GUCY1A1: variants seen among roughly 807,000 people sequenced by gnomAD.
GUCY1A1 encodes the protein guanylate cyclase 1 soluble subunit alpha 1.
A neutral mutation model predicts 64.5 loss-of-function variants in GUCY1A1; 48 were observed. That is an observed-to-expected ratio of 0.74 (90% confidence interval 0.59 to 0.95). GUCY1A1 has a LOEUF of 0.95. Among genes scored for constraint, GUCY1A1 ranks in the 40% least tolerant of loss-of-function variants. The pLI is 0.00. For missense variants in GUCY1A1, 804 were observed against 825.3 expected (o/e 0.97, Z 0.32); for synonymous variants, 308 against 303.4 (o/e 1.02, Z -0.16).
chr4:155,697,139 T>G lies in GUCY1A1; in HGVS notation c.255+17T>G. ...TTCCCAGAGGTGAGTGCGTGCTCTT[T>G]AGATTTTGAAATTGTAATACTTTGA... On this transcript the variant is annotated intron_variant, in intron 3 of 9. Transcript: ENST00000506455. The G allele has an allele frequency of 6.3e-7, 1 of 1,590,588 alleles. No homozygotes were observed. Among genetic ancestry groups the G allele is most frequent in the South Asian group, 1.1e-5 (1 of 88,824 alleles).
rs1735786656 is a variant in GUCY1A1 at position 155,733,732 on chromosome 4, G to A, written c.*3501G>A. ...TTGGCTACTGACTCCCTCTCCAACA[G>A]TTTTAAAGCTACTAGATAAGAGAAG... On this transcript the variant is annotated 3_prime_UTR_variant, in exon 10 of 10. Coordinates refer to ENST00000506455, the MANE Select transcript of GUCY1A1 (RefSeq NM_001130682.3). Among the ~76,000 whole-genome samples, 1 of 150,774 alleles carries A rather than the reference G, an allele frequency of 6.6e-6. No homozygotes were observed. The highest frequency in any genetic ancestry group is 6.6e-5 in the Admixed American group (1 of 15,076).
At position 155,673,901 on chromosome 4, in the gene GUCY1A1, T is replaced by C. The variant is rs1261511422; in HGVS notation, c.-113+6482T>C. On this transcript the variant is annotated intron_variant, in intron 2 of 9. Coordinates refer to ENST00000506455, the MANE Select transcript of GUCY1A1 (RefSeq NM_001130682.3). ...CCTTATTATGTTTTCCTGTAACACA[T>C]TGTGCTTCCTTTGTAGAATTATTAT... 2.0e-5 allele frequency among the ~76,000 whole-genome samples: 3 copies of C among 151,530 alleles called. 1 individual carries two copies. The highest frequency in any genetic ancestry group is 4.9e-5 in the African/African-American group (2 of 40,802).
intron 7 of GUCY1A1, among the ~76,000 whole-genome samples, chr4:155,714,511 A>C (rs1333012933): frequency 6.6e-6 from 1 of 152,226 alleles, no homozygotes; most frequent in Non-Finnish European, 1.5e-5. Flanking sequence ...CTTTAGAATT[A>C]AAAGTTTTTA....
At position 155,722,154 on chromosome 4, in the gene GUCY1A1, T is replaced by G. The variant is rs779344124; in HGVS notation, c.1833T>G (p.Ser611Arg). The change falls in exon 9 of 10, where the codon AGT becomes AGG. Residue 611 changes from serine (S) to arginine (R), a missense_variant. By Grantham distance (110) the Ser-to-Arg change is moderately radical (BLOSUM62 -1). Coordinates refer to ENST00000506455, the MANE Select transcript of GUCY1A1 (RefSeq NM_001130682.3). ...TGGCTAACAAATTTGAGTCCTGCAG[T>G]GTACCACGAAAAATCAATGTCAGCC... is the stretch of plus-strand genomic sequence containing the variant. ...VTLANKFESC[S>R]VPRKINVSPT... The G allele has an allele frequency of 2.5e-6, 4 of 1,612,900 alleles. No individual in the cohort carries two copies. In the East Asian group the frequency reaches 8.9e-5, roughly 36 times the overall value.
rs572070378 is a variant in GUCY1A1 at position 155,713,687 on chromosome 4, T to C, written c.1572+104T>C. On this transcript the variant is annotated intron_variant, in intron 7 of 9. Coordinates refer to ENST00000506455, the MANE Select transcript of GUCY1A1 (RefSeq NM_001130682.3). The stretch of plus-strand genomic sequence containing the variant: ...TAATGCAACTGAAAGGCCACCTCTG[T>C]AGGGTCTTGCAAGCCCAGTCCTGGG... The C allele has an allele frequency of 1.5e-4, 192 of 1,268,496 alleles. 1 individual carries two copies. The highest frequency in any genetic ancestry group is 9.5e-4 in the Middle Eastern group (5 of 5,242). The allele number at this position is 1,268,496 out of a possible 1,614,324, so 78.6% of individuals were successfully genotyped here.
rs1055640665 is a variant in GUCY1A1 at position 155,721,957 on chromosome 4, T to G, written c.1717-81T>G. 29 of 975,744 alleles carry G rather than the reference T, an allele frequency of 3.0e-5. No individual in the cohort carries two copies. In the African/African-American group the frequency reaches 3.6e-4, roughly 12 times the overall value. 60.4% of individuals were successfully genotyped at this position (975,744 alleles called of 1,614,324 possible). A position where few individuals can be genotyped will look rare whatever the true frequency, so the allele number is the denominator to read the frequency against. Reference sequence around the variant, plus strand: ...TCCTGAGGGTGAATGGTAAAATAATTTAGACGGTATTCAAACGACACTGAC... The same window carrying G: ...TCCTGAGGGTGAATGGTAAAATAATGTAGACGGTATTCAAACGACACTGAC... On this transcript the variant is annotated intron_variant, in intron 8 of 9. Coordinates refer to ENST00000506455, the MANE Select transcript of GUCY1A1 (RefSeq NM_001130682.3).
chr4:155,697,343 A>T (rs1356555929), intron 3 of GUCY1A1, among the ~76,000 whole-genome samples: 1 of 152,166 alleles, frequency 6.6e-6, no homozygotes, highest in Non-Finnish European at 1.5e-5. Flanking sequence ...TCAAAAGAAC[A>T]CTGCAGTCTG....
In GUCY1A1 at chr4:155,699,102, A is replaced by G. The variant is rs532814705; in HGVS notation, c.255+1980A>G. On this transcript the variant is annotated intron_variant, in intron 3 of 9. Transcript: ENST00000506455. ...ATTTATTTATTTATTTGGTTGTATC[A>G]TATTTCCCTGATTTTTCGTGTCCCT... Among the ~76,000 whole-genome samples, 20 of 150,836 alleles carry G rather than the reference A, an allele frequency of 1.3e-4. No individual in the cohort carries two copies. The East Asian group carries it at 3.5e-3, about 26-fold the overall frequency.
chr4:155,668,137 C>G (rs1174630709), intron 2 of GUCY1A1: 1 of 152,412 alleles, frequency 6.6e-6, no homozygotes, highest in Non-Finnish European at 1.5e-5. Flanking sequence ...CCGCGGTCTC[C>G]GCGCCTGTCT....
chr4:155,713,905 A>G (rs1329606235), intron 7 of GUCY1A1, among the ~76,000 whole-genome samples: 1 of 152,208 alleles, frequency 6.6e-6, no homozygotes, highest in Non-Finnish European at 1.5e-5. Context: ...GAGAAGTTTA[A>G]TAGTGAATCT....
Position 155,735,414 on chromosome 4 carries a change from A to G in GUCY1A1, c.*5183A>G, listed in dbSNP as rs1171074258. ...TAAACTTAGTTTTATGAAAATGTTAATATCTTGGATTTAAACATTGGGGTA... is the reference window on the plus strand; with the variant it reads ...TAAACTTAGTTTTATGAAAATGTTAGTATCTTGGATTTAAACATTGGGGTA... On this transcript the variant is annotated 3_prime_UTR_variant, in exon 10 of 10. Coordinates refer to ENST00000506455, the MANE Select transcript of GUCY1A1 (RefSeq NM_001130682.3). 1 of 151,996 alleles carries G rather than the reference A, an allele frequency of 6.6e-6. No individual in the cohort carries two copies. Among genetic ancestry groups the G allele is most frequent in the Non-Finnish European group, 1.5e-5 (1 of 67,944 alleles). The allele number at this position is 151,996 out of a possible 1,614,324, so 9.4% of individuals were successfully genotyped here.
chr4:155,721,438 T>A (rs190754471), intron 8 of GUCY1A1, among the ~76,000 whole-genome samples: 5 of 152,244 alleles, frequency 3.3e-5, no homozygotes, highest in African/African-American at 1.2e-4. Flanking sequence ...ATAGACATTG[T>A]CATCGTCATT....
chr4:155,730,622 C>CA lies in GUCY1A1; in HGVS notation c.*399dup, dbSNP rs34176092. ...TAAAGTGTGTTTGTGATAGTGTCGT[C>CA]AAAAAAAAGGTTTTTGAATAGAAAT... On this transcript the variant is annotated 3_prime_UTR_variant, in exon 10 of 10. Transcript: ENST00000506455. The CA allele has an allele frequency of 0.049, 7,555 of 154,992 alleles. 192 individuals are homozygous for CA. The highest frequency in any genetic ancestry group is 0.072 in the Middle Eastern group (22 of 306). The allele number at this position is 154,992 out of a possible 1,614,324, so 9.6% of individuals were successfully genotyped here.
In GUCY1A1 at chr4:155,735,382, A is replaced by C. The variant is rs1735958058; in HGVS notation, c.*5151A>C. ...TTTTATCACCAGTGCAGTTTTTTCCATCATCATAAACTTAGTTTTATGAAA... is the reference window on the plus strand; with the variant it reads ...TTTTATCACCAGTGCAGTTTTTTCCCTCATCATAAACTTAGTTTTATGAAA... On this transcript the variant is annotated 3_prime_UTR_variant, in exon 10 of 10. Coordinates refer to ENST00000506455, the MANE Select transcript of GUCY1A1 (RefSeq NM_001130682.3). The C allele has an allele frequency of 6.6e-6, 1 of 151,994 alleles. No homozygotes were observed. The highest frequency in any genetic ancestry group is 6.6e-5 in the Admixed American group (1 of 15,238). 9.4% of individuals were successfully genotyped at this position (151,994 alleles called of 1,614,324 possible). A position where few individuals can be genotyped will look rare whatever the true frequency, so the allele number is the denominator to read the frequency against.
intron 2 of GUCY1A1, among the ~76,000 whole-genome samples, chr4:155,688,156 A>T (rs1479518393): frequency 2.6e-5 from 4 of 151,512 alleles, no homozygotes; most frequent in African/African-American, 7.3e-5. Context: ...TGAACCCGGG[A>T]GGTGGAGCTT....
At chr4:155,692,079 G>T (rs2126701771) in intron 2 of GUCY1A1, among the ~76,000 whole-genome samples, 1 of 152,224 alleles carries the variant, frequency 6.6e-6, no homozygotes, top group African/African-American at 2.4e-5. Flanking sequence ...GTTTGCCCAG[G>T]ATAATGGCCT....
chr4:155,720,948 C>A (rs1007307142), intron 8 of GUCY1A1, among the ~76,000 whole-genome samples: 2 of 152,022 alleles, frequency 1.3e-5, no homozygotes, highest in African/African-American at 4.8e-5. Flanking sequence ...AGTAATCAGA[C>A]CTTTGAAGAT....
At chr4:155,717,423 A>G (rs1354537073) in intron 8 of GUCY1A1, 121 bp downstream of exon 8, 3 of 528,022 alleles carry the variant, frequency 5.7e-6, no homozygotes, top group Non-Finnish European at 9.4e-6. Flanking sequence ...CAAAATCTAT[A>G]TAGAGAACAC....
At chr4:155,707,888 G>C (rs997169375) in intron 4 of GUCY1A1, among the ~76,000 whole-genome samples, 8 of 149,258 alleles carry the variant, frequency 5.4e-5, no homozygotes, top group African/African-American at 2.0e-4. Context: ...AGAGTGCAGT[G>C]GTGGCTGATC....
Sources: allele counts gnomAD v4.1 joint callset (sites outside exome capture counted in the v4.1 genomes callset), GRCh38; gene constraint gnomAD v4.1.1; transcripts MANE v1.5; gene names NCBI Gene and HGNC (gene_info 2026-07-23, HGNC 2026-07-21).